The following RHOA variants were observed in gnomAD, a reference collection of about 807,000 sequenced individuals.
RHOA encodes the protein transforming protein RhoA.
A neutral mutation model predicts 17.5 loss-of-function variants in RHOA; 3 were observed. The observed-to-expected ratio is 0.17, with a 90% CI of 0.08 to 0.44. RHOA has a LOEUF of 0.44. Ranked by LOEUF, RHOA falls within the 20% of genes least tolerant of loss-of-function variation. RHOA has a pLI of 0.99. For missense variants in RHOA, 56 were observed against 242.3 expected (o/e 0.23, Z 5.10); for synonymous variants, 98 against 88.4 (o/e 1.11, Z -0.61).
intron 1 of RHOA, among the ~76,000 whole-genome samples, chr3:49,411,285 C>A (rs1357319361): frequency 2.6e-5 from 4 of 152,218 alleles, no homozygotes; most frequent in African/African-American, 4.8e-5. Context: ...TACTTACTTA[C>A]ACAGTCTCCA....
rs901926608 is a variant in RHOA at position 49,359,857 on chromosome 3, G to C, written c.*352C>G. 3.1e-4 allele frequency: 83 copies of C among 269,102 alleles called. 1 individual carries two copies. The highest frequency in any genetic ancestry group is 4.3e-5 in the African/African-American group (2 of 46,040). The allele number at this position is 269,102 out of a possible 1,614,324, so 16.7% of individuals were successfully genotyped here. A position where few individuals can be genotyped will look rare whatever the true frequency, so the allele number is the denominator to read the frequency against. ...GTACCTTGCAGCTGACAGATAATAG[G>C]CAGGACATGTTAGTTATAAAGTAGT... On this transcript the variant is annotated 3_prime_UTR_variant, in exon 5 of 5. Transcript: ENST00000418115.
chr3:49,360,736 G>A (rs1244925939), intron 4 of RHOA, among the ~76,000 whole-genome samples: 1 of 151,344 alleles, frequency 6.6e-6, no homozygotes, highest in Non-Finnish European at 1.5e-5. Context: ...TGGGATACAG[G>A]CATGAGCCAC....
intron 3 of RHOA, 94 bp downstream of exon 3, chr3:49,368,334 G>T: frequency 6.8e-7 from 1 of 1,467,694 alleles, no homozygotes; most frequent in African/African-American, 1.4e-5. Context: ...CTTCTCTGAA[G>T]TTCATGTCTG....
chr3:49,387,470 C>T (rs537471679), intron 1 of RHOA, among the ~76,000 whole-genome samples: 2 of 143,242 alleles, frequency 1.4e-5, no homozygotes, highest in Admixed American at 7.1e-5. Context: ...AAGGGTCGGG[C>T]GCGGTGGCTC....
At chr3:49,390,973 C>CT (rs1469008682) in intron 1 of RHOA, among the ~76,000 whole-genome samples, 1 of 151,784 alleles carries the variant, frequency 6.6e-6, no homozygotes, top group Non-Finnish European at 1.5e-5. Context: ...AATCCCAGCA[C>CT]TTTGGGAGGC....
chr3:49,387,697 C>T (rs1007118571), intron 1 of RHOA, among the ~76,000 whole-genome samples: 1 of 150,902 alleles, frequency 6.6e-6, no homozygotes, highest in Admixed American at 6.6e-5. Flanking sequence ...TGAGATCACA[C>T]CACTGCACCC....
At chr3:49,391,086 C>T (rs1404118721) in intron 1 of RHOA, among the ~76,000 whole-genome samples, 1 of 151,836 alleles carries the variant, frequency 6.6e-6, no homozygotes, top group Non-Finnish European at 1.5e-5. Flanking sequence ...GGCGTGGTGG[C>T]ATGCACCTGT....
At chr3:49,360,458 A>C in intron 4 of RHOA, 76 bp from the exon 5 acceptor site, 2 of 1,437,962 alleles carry the variant, frequency 1.4e-6, no homozygotes, top group Non-Finnish European at 1.9e-6. Flanking sequence ...ATTCAAATTC[A>C]TCTAAAAGAT....
At chr3:49,366,671 T>G (rs770008635) in intron 3 of RHOA, 7 of 152,244 alleles carry the variant, frequency 4.6e-5, no homozygotes, top group Non-Finnish European at 8.8e-5. Flanking sequence ...ATACGTGCTC[T>G]TTCTCTGTCC....
At position 49,399,054 on chromosome 3, in the gene RHOA, C is replaced by CAAAAAAAAAAAAAAAAAAAA. The variant is rs10530558; in HGVS notation, c.-3+12746_-3+12765dup. ...TGCGTGACAGAGCAAGACTCCGTCT[C>CAAAAAAAAAAAAAAAAAAAA]AAAAAAAAAAAAAAAAAAAAAAAAA... is the stretch of plus-strand genomic sequence containing the variant. On this transcript the variant is annotated intron_variant, in intron 1 of 4. Coordinates refer to ENST00000418115, the MANE Select transcript of RHOA (RefSeq NM_001664.4). Among the ~76,000 whole-genome samples, 11 of 24,838 alleles carry CAAAAAAAAAAAAAAAAAAAA rather than the reference C, an allele frequency of 4.4e-4. 2 individuals are homozygous for CAAAAAAAAAAAAAAAAAAAA. The highest frequency in any genetic ancestry group is 8.8e-4 in the Admixed American group (1 of 1,130). The allele number at this position is 24,838 out of a possible 152,430, so 16.3% of individuals were successfully genotyped here. A position where few individuals can be genotyped will look rare whatever the true frequency, so the allele number is the denominator to read the frequency against.
chr3:49,402,089 G>C (rs1374887503), intron 1 of RHOA, among the ~76,000 whole-genome samples: 1 of 152,130 alleles, frequency 6.6e-6, no homozygotes, highest in Admixed American at 6.6e-5. Flanking sequence ...GTTCTTTGGG[G>C]AAAGACAGGC....
At chr3:49,392,478 T>C (rs2048527665) in intron 1 of RHOA, among the ~76,000 whole-genome samples, 1 of 152,142 alleles carries the variant, frequency 6.6e-6, no homozygotes, top group Admixed American at 6.6e-5. Flanking sequence ...GTTTAAATTT[T>C]AAAATATTCT....
At chr3:49,378,240 C>CTTTTTTTT (rs71077802) in intron 1 of RHOA, among the ~76,000 whole-genome samples, 8 of 60,712 alleles carry the variant, frequency 1.3e-4, no homozygotes, top group Admixed American at 6.8e-4. Flanking sequence ...ATCCATCTAT[C>CTTTTTTTT]TTTTTTTTTT....
At chr3:49,399,589 T>C (rs2048687375) in intron 1 of RHOA, among the ~76,000 whole-genome samples, 2 of 151,176 alleles carry the variant, frequency 1.3e-5, no homozygotes, top group African/African-American at 2.4e-5. Context: ...TTTTTTTTTT[T>C]TTCCCCCAGA....
intron 1 of RHOA, among the ~76,000 whole-genome samples, chr3:49,383,945 A>C (rs966882578): frequency 6.6e-6 from 1 of 152,100 alleles, no homozygotes; most frequent in Non-Finnish European, 1.5e-5. Flanking sequence ...CACGAGAATC[A>C]CTTGAACCTG....
intron 1 of RHOA, among the ~76,000 whole-genome samples, chr3:49,392,635 C>G (rs1462573319): frequency 1.3e-5 from 2 of 152,168 alleles, no homozygotes; most frequent in South Asian, 4.1e-4. Context: ...GTGTGAACTA[C>G]TGCACTTGGC....
At chr3:49,410,991 C>A (rs888471445) in intron 1 of RHOA, among the ~76,000 whole-genome samples, 4 of 152,192 alleles carry the variant, frequency 2.6e-5, no homozygotes, top group Non-Finnish European at 5.9e-5. Context: ...ATGCGAATAG[C>A]GCTATTCAAT....
intron 1 of RHOA, among the ~76,000 whole-genome samples, chr3:49,380,717 AAT>A (rs1031176672): frequency 1.1e-4 from 13 of 122,202 alleles, no homozygotes; most frequent in Non-Finnish European, 1.7e-4. Context: ...TAATAATAAT[AAT>A]AAATACTCAT....
chr3:49,408,897 A>G (rs533965195), intron 1 of RHOA, among the ~76,000 whole-genome samples: 24 of 150,944 alleles, frequency 1.6e-4, no homozygotes, highest in Non-Finnish European at 2.2e-4. Context: ...GGTTCACGCC[A>G]TTCCCCTGCC....
Sources: gnomAD v4.1 joint callset for allele counts (sites outside exome capture counted in the v4.1 genomes callset) on GRCh38, gnomAD v4.1.1 for gene constraint, MANE v1.5 for transcripts, NCBI Gene and HGNC (gene_info 2026-07-23, HGNC 2026-07-21) for gene names.